The following CNOT9 variants were observed in gnomAD, a reference collection of about 807,000 sequenced individuals.
CNOT9 encodes the protein RCD1 required for cell differentiation1 homolog.
CNOT9 carries 8 observed loss-of-function variants against 37.4 expected under a neutral mutation model. That is an observed-to-expected ratio of 0.21 (90% CI 0.13 to 0.39). The LOEUF is 0.39. Among genes scored for constraint, CNOT9 ranks in the 10% least tolerant of loss-of-function variants. CNOT9 has a pLI of 1.00. For missense variants in CNOT9, 154 were observed against 365.3 expected (o/e 0.42, Z 4.71); for synonymous variants, 120 against 137.6 (o/e 0.87, Z 0.90).
intron 2 of CNOT9, chr2:218,580,989 C>T: frequency 3.5e-6 from 2 of 579,028 alleles, no homozygotes; most frequent in South Asian, 1.5e-5. Flanking sequence ...CTTTCACCTC[C>T]CCCAGGTGAT....
In CNOT9 at chr2:218,592,754, A is replaced by C; in HGVS notation, c.731+47A>C. The C allele has an allele frequency of 6.8e-7, 1 of 1,460,256 alleles. No homozygotes were observed. Among genetic ancestry groups the C allele is most frequent in the Non-Finnish European group, 9.6e-7 (1 of 1,040,032 alleles). The allele number at this position is 1,460,256 out of a possible 1,614,324, so 90.5% of individuals were successfully genotyped here. On this transcript the variant is annotated intron_variant, in intron 7 of 7. Coordinates refer to ENST00000273064, the MANE Select transcript of CNOT9 (RefSeq NM_005444.3). This position sits in a 1 kb window ranked among gnomAD's most constrained non-coding sequence, Gnocchi z 4.1. ...AGGACTTTAGGGAAATACTCTGCTGAACAGTTTCCTAATCTCATGGCATAG... is the reference window on the plus strand; with the variant it reads ...AGGACTTTAGGGAAATACTCTGCTGCACAGTTTCCTAATCTCATGGCATAG...
intron 3 of CNOT9, among the ~76,000 whole-genome samples, chr2:218,584,218 CT>C (rs1473324345): frequency 6.6e-6 from 1 of 152,152 alleles, no homozygotes; most frequent in Non-Finnish European, 1.5e-5. Context: ...CCACTGTGAT[CT>C]GGACTAGGGT....
intron 2 of CNOT9, among the ~76,000 whole-genome samples, chr2:218,581,675 T>A (rs907908620): frequency 6.6e-6 from 1 of 152,230 alleles, no homozygotes; most frequent in Non-Finnish European, 1.5e-5. Context: ...AACAATTAGA[T>A]TAACTTTTCA....
chr2:218,592,609 G>T lies in CNOT9; in HGVS notation c.640-7G>T. The T allele has an allele frequency of 7.4e-6, 12 of 1,613,972 alleles. No individual in the cohort carries two copies. Among genetic ancestry groups the T allele is most frequent in the Non-Finnish European group, 9.3e-6 (11 of 1,179,850 alleles). On this transcript the variant is annotated splice_region_variant and splice_polypyrimidine_tract_variant and intron_variant, in intron 6 of 7. Transcript: ENST00000273064. The surrounding 1 kb of genome is among the most constrained non-coding windows in gnomAD (Gnocchi z 4.1). ...TCCAACCCCTCCCCTTATTTTGGGGGAAACAGGGTAAGATGGTCCTGCAGC... is the reference window on the plus strand; with the variant it reads ...TCCAACCCCTCCCCTTATTTTGGGGTAAACAGGGTAAGATGGTCCTGCAGC...
chr2:218,592,181 A>G lies in CNOT9; in HGVS notation c.541-123A>G. Reference sequence around the variant, plus strand: ...ATACATATATGATAAAGTTGTACATAATATACAAGGATCCCTGCTTGCTCA... The same window carrying G: ...ATACATATATGATAAAGTTGTACATGATATACAAGGATCCCTGCTTGCTCA... On this transcript the variant is annotated intron_variant, in intron 5 of 7. Coordinates refer to ENST00000273064, the MANE Select transcript of CNOT9 (RefSeq NM_005444.3). This position sits in a 1 kb window ranked among gnomAD's most constrained non-coding sequence, Gnocchi z 4.1. 1.5e-6 allele frequency: 1 copy of G among 686,680 alleles called. No homozygotes were observed. Among genetic ancestry groups the G allele is most frequent in the Non-Finnish European group, 2.6e-6 (1 of 385,000 alleles). The allele number at this position is 686,680 out of a possible 1,614,324, so 42.5% of individuals were successfully genotyped here.
At chr2:218,575,268 A>C (rs1248757718) in intron 1 of CNOT9, among the ~76,000 whole-genome samples, 1 of 152,120 alleles carries the variant, frequency 6.6e-6, no homozygotes, top group East Asian at 1.9e-4. Flanking sequence ...TCCTGGGTAC[A>C]TGGATACATT....
At chr2:218,576,079 GT>G (rs1694156834) in intron 1 of CNOT9, among the ~76,000 whole-genome samples, 1 of 152,086 alleles carries the variant, frequency 6.6e-6, no homozygotes, top group Non-Finnish European at 1.5e-5. Flanking sequence ...TTAAAAAAAG[GT>G]GGTACAACAG....
At position 218,592,906 on chromosome 2, in the gene CNOT9, T is replaced by C; in HGVS notation, c.731+199T>C. ...AGCCATCAGTTTCATCTTCTCACTG[T>C]AACTCTCCATCCTACTGTGAAATTC... On this transcript the variant is annotated intron_variant, in intron 7 of 7. Coordinates refer to ENST00000273064, the MANE Select transcript of CNOT9 (RefSeq NM_005444.3). This position sits in a 1 kb window ranked among gnomAD's most constrained non-coding sequence, Gnocchi z 4.1. 1.7e-6 allele frequency: 1 copy of C among 578,650 alleles called. No individual in the cohort carries two copies. The highest frequency in any genetic ancestry group is 3.1e-6 in the Non-Finnish European group (1 of 326,616). 35.8% of individuals were successfully genotyped at this position (578,650 alleles called of 1,614,324 possible). A position where few individuals can be genotyped will look rare whatever the true frequency, so the allele number is the denominator to read the frequency against.
Position 218,595,236 on chromosome 2 carries a change from A to G in CNOT9, c.*960A>G, listed in dbSNP as rs1330021242. On this transcript the variant is annotated 3_prime_UTR_variant, in exon 8 of 8. Coordinates refer to ENST00000273064, the MANE Select transcript of CNOT9 (RefSeq NM_005444.3). ...CAAAGATATTTTCTCAATAACTCTAAAAGGGAGGTGCTTGGGATTAAGGTG... is the reference window on the plus strand; with the variant it reads ...CAAAGATATTTTCTCAATAACTCTAGAAGGGAGGTGCTTGGGATTAAGGTG... 1 of 151,980 alleles carries G rather than the reference A, an allele frequency of 6.6e-6. No individual in the cohort carries two copies. Among genetic ancestry groups the G allele is most frequent in the Non-Finnish European group, 1.5e-5 (1 of 67,994 alleles). 9.4% of individuals were successfully genotyped at this position (151,980 alleles called of 1,614,324 possible). A position where few individuals can be genotyped will look rare whatever the true frequency, so the allele number is the denominator to read the frequency against.
intron 5 of CNOT9, among the ~76,000 whole-genome samples, chr2:218,590,116 G>A (rs1160155869): frequency 6.6e-6 from 1 of 152,016 alleles, no homozygotes; most frequent in Non-Finnish European, 1.5e-5. Flanking sequence ...CACCCAGGCT[G>A]GAGTGAAGTG....
rs540607245 is a variant in CNOT9, at chr2:218,568,892, G to A, written c.-63G>A. ...GCTCATTGTTTTCCGCTGCAGGGGT[G>A]CTGAAGGGGGGACGCGGGTCGGACG... On this transcript the variant is annotated 5_prime_UTR_variant, in exon 1 of 8. Coordinates refer to ENST00000273064, the MANE Select transcript of CNOT9 (RefSeq NM_005444.3). 4.6e-4 allele frequency: 722 copies of A among 1,574,722 alleles called. 13 individuals are homozygous for A. The South Asian group carries it at 7.8e-3, about 17-fold the overall frequency.
intron 3 of CNOT9, among the ~76,000 whole-genome samples, chr2:218,583,428 G>A (rs1694484772): frequency 6.6e-6 from 1 of 152,136 alleles, no homozygotes; most frequent in Non-Finnish European, 1.5e-5. Context: ...GAGGCATAGT[G>A]CATGGCATAT....
intron 5 of CNOT9, among the ~76,000 whole-genome samples, chr2:218,591,009 A>C (rs1312070247): frequency 6.6e-6 from 1 of 152,114 alleles, no homozygotes; most frequent in Non-Finnish European, 1.5e-5. Flanking sequence ...ATCGCTTTTA[A>C]GGACACTTCG....
At chr2:218,580,259 G>A (rs1287457323) in intron 1 of CNOT9, among the ~76,000 whole-genome samples, 5 of 152,200 alleles carry the variant, frequency 3.3e-5, no homozygotes, top group South Asian at 2.1e-4. Flanking sequence ...GTGTGCCACC[G>A]CGCCCGGCCA....
Position 218,580,693 on chromosome 2 carries a change from G to T in CNOT9, c.157G>T (p.Ala53Ser), listed in dbSNP as rs761810000. ...SKKRESVPDLAPMLWHSFGTI... is the reference protein window; with the variant it reads ...SKKRESVPDLSPMLWHSFGTI... Reference sequence around the variant, plus strand: ...GAAGCGAGAATCTGTTCCTGACCTTGCACCCATGCTGTGGCATTCATTTGG... The same window carrying T: ...GAAGCGAGAATCTGTTCCTGACCTTTCACCCATGCTGTGGCATTCATTTGG... Residue 53 changes from alanine to serine, a missense_variant, in exon 2 of 8, where the codon GCA becomes TCA. Physicochemically the swap from Ala to Ser is moderately conservative, Grantham distance 99. This residue lies in a region of CNOT9 where 117 missense variants were observed against 325.4 expected (regional missense o/e 0.36). Transcript: ENST00000273064. 3 of 1,614,168 alleles carry T rather than the reference G, an allele frequency of 1.9e-6. No homozygotes were observed. Among genetic ancestry groups the T allele is most frequent in the Non-Finnish European group, 2.5e-6 (3 of 1,180,016 alleles).
Position 218,592,162 on chromosome 2 carries a change from A to G in CNOT9, c.541-142A>G. ...ATTTATTATTCTTTGTACTATACAT[A>G]TATGATAAAGTTGTACATAATATAC... On this transcript the variant is annotated intron_variant, in intron 5 of 7. Transcript: ENST00000273064. This position sits in a 1 kb window ranked among gnomAD's most constrained non-coding sequence, Gnocchi z 4.1. 1 of 635,494 alleles carries G rather than the reference A, an allele frequency of 1.6e-6. No individual in the cohort carries two copies. The highest frequency in any genetic ancestry group is 2.8e-6 in the Non-Finnish European group (1 of 356,722). 39.4% of individuals were successfully genotyped at this position (635,494 alleles called of 1,614,324 possible).
rs924330240 is a variant in CNOT9, at chr2:218,576,713, A to T, written c.25-3848A>T. On this transcript the variant is annotated intron_variant, in intron 1 of 7. Coordinates refer to ENST00000273064, the MANE Select transcript of CNOT9 (RefSeq NM_005444.3). ...CTGAGCACAGTCGCTTATACCTGCAATTCCAGCACTTTGGGAAGCTAAGGC... is the reference window on the plus strand; with the variant it reads ...CTGAGCACAGTCGCTTATACCTGCATTTCCAGCACTTTGGGAAGCTAAGGC... Among the ~76,000 whole-genome samples the T allele has an allele frequency of 1.1e-4, 16 of 152,214 alleles. 1 individual carries two copies. The highest frequency in any genetic ancestry group is 4.1e-4 in the South Asian group (2 of 4,832).
intron 5 of CNOT9, among the ~76,000 whole-genome samples, chr2:218,591,294 A>C (rs1368223818): frequency 6.6e-6 from 1 of 152,226 alleles, no homozygotes; most frequent in Non-Finnish European, 1.5e-5. Flanking sequence ...CTAATATTTT[A>C]ATATCTCTTT....
chr2:218,593,210 CT>C (rs1038683453), intron 7 of CNOT9: 4 of 264,978 alleles, frequency 1.5e-5, no homozygotes, highest in African/African-American at 8.8e-5. Flanking sequence ...TGACCTTTTG[CT>C]TTGTAAATCC....
Sources: allele counts gnomAD v4.1 joint callset (sites outside exome capture counted in the v4.1 genomes callset), GRCh38; gene constraint gnomAD v4.1.1; regional missense constraint gnomAD v4.1.1; non-coding constraint Gnocchi (gnomAD v3.1); transcripts MANE v1.5; gene names NCBI Gene and HGNC (gene_info 2026-07-23, HGNC 2026-07-21).